The following TENM2 variants were observed in gnomAD, a reference collection of about 807,000 sequenced individuals.
TENM2 encodes the protein teneurin-2.
Under a neutral mutation model 245.2 loss-of-function variants are expected in TENM2, and 52 were observed. The observed-to-expected ratio is 0.21, with a 90% CI of 0.17 to 0.27. TENM2 has a LOEUF of 0.27. Ranked by LOEUF, TENM2 falls within the 10% of genes least tolerant of loss-of-function variation. The probability of loss-of-function intolerance (pLI) is 1.00; values close to 1 mark genes in which losing one functional copy is unlikely to be tolerated. For missense variants in TENM2, 3,046 were observed against 3,666.8 expected, an observed-to-expected ratio of 0.83 and a Z score of 4.37; for synonymous variants, 1,363 against 1,438.9, an observed-to-expected ratio of 0.95 and a Z score of 1.19.
rs543199559 is a variant in TENM2, at chr5:167,932,049, G to A, written c.713-20539G>A. Among the ~76,000 whole-genome samples, 30 of 152,322 alleles carry A rather than the reference G, an allele frequency of 2.0e-4. 1 individual carries two copies. Among genetic ancestry groups the A allele is most frequent in the African/African-American group, 6.5e-4 (27 of 41,582 alleles). ...AAAAGATATGTTTGCTGATTTCACC[G>A]AGGTCCGTATTGAGCTGCCTAGGTG... On this transcript the variant is annotated intron_variant, in intron 3 of 28. Transcript: ENST00000518659.
At chr5:167,434,298 G>A (rs1000128052) in intron 2 of TENM2, among the ~76,000 whole-genome samples, 2 of 150,432 alleles carry the variant, frequency 1.3e-5, no homozygotes, top group Admixed American at 6.7e-5. Flanking sequence ...GCAGGTGCCC[G>A]TACTACTCAG....
At chr5:167,148,738 G>A in the TENM2 span, among the ~76,000 whole-genome samples, 4 of 152,210 alleles carry the variant, frequency 2.6e-5, no homozygotes, top group South Asian at 8.3e-4. Context: ...AGGGAGGAAA[G>A]GGGAAAAAAG....
chr5:167,939,205 G>T (rs978469598), intron 3 of TENM2, among the ~76,000 whole-genome samples: 9 of 152,290 alleles, frequency 5.9e-5, no homozygotes, highest in Admixed American at 3.9e-4. Context: ...GGAAGAGGGG[G>T]ATGGTTTCGG....
chr5:167,266,956 A>G, the TENM2 span, among the ~76,000 whole-genome samples: 1 of 152,168 alleles, frequency 6.6e-6, no homozygotes. Flanking sequence ...CTATGTGTTC[A>G]TCCCTCAGTA....
At chr5:167,133,431 A>G in the TENM2 span, among the ~76,000 whole-genome samples, 1 of 152,184 alleles carries the variant, frequency 6.6e-6, no homozygotes, top group Non-Finnish European at 1.5e-5. Flanking sequence ...TCCATTAAAG[A>G]ATAGAATAGA....
chr5:167,306,748 C>G (rs966276377), intron 1 of TENM2: 2 of 152,234 alleles, frequency 1.3e-5, no homozygotes, highest in African/African-American at 4.8e-5. Context: ...CTGTCACCAT[C>G]ATTCGTTTTC....
chr5:167,323,700 T>C (rs770472219), intron 1 of TENM2, among the ~76,000 whole-genome samples: 3 of 152,178 alleles, frequency 2.0e-5, no homozygotes, highest in Non-Finnish European at 4.4e-5. Flanking sequence ...ATATTTAAAA[T>C]TTCATAAAAA....
upstream of TENM2, among the ~76,000 whole-genome samples, chr5:167,279,983 G>C (rs896696331): frequency 6.6e-6 from 1 of 152,078 alleles, no homozygotes; most frequent in Non-Finnish European, 1.5e-5. Context: ...CTGGACATTT[G>C]GGATATCATG....
intron 17 of TENM2, among the ~76,000 whole-genome samples, chr5:168,201,292 A>G (rs1039832059): frequency 5.9e-5 from 9 of 151,688 alleles, no homozygotes; most frequent in African/African-American, 1.2e-4. Context: ...GTGTGTGTGT[A>G]TATATATATA....
chr5:167,788,710 C>T (rs1038530889), intron 2 of TENM2, among the ~76,000 whole-genome samples: 2 of 152,150 alleles, frequency 1.3e-5, no homozygotes, highest in South Asian at 2.1e-4. Flanking sequence ...GTGTCTCTCA[C>T]GCTCACTATG....
intron 12 of TENM2, among the ~76,000 whole-genome samples, chr5:168,155,102 GC>G (rs988187957): frequency 3.3e-4 from 51 of 152,280 alleles, no homozygotes; most frequent in African/African-American, 1.1e-3. Context: ...TTCTTTGGCA[GC>G]CGGTCTTCCA....
chr5:167,746,479 A>G (rs1047405694), intron 2 of TENM2, among the ~76,000 whole-genome samples: 8 of 152,178 alleles, frequency 5.3e-5, no homozygotes, highest in Non-Finnish European at 1.2e-4. Context: ...ACAAACAGCC[A>G]TGGCCCCTTG....
chr5:168,138,093 T>C (rs1252601042), intron 12 of TENM2, among the ~76,000 whole-genome samples: 1 of 152,240 alleles, frequency 6.6e-6, no homozygotes, highest in Non-Finnish European at 1.5e-5. Context: ...TGCTTGACTA[T>C]GGCTGGTTTT....
intron 2 of TENM2, among the ~76,000 whole-genome samples, chr5:167,395,709 T>A (rs1762012286): frequency 6.6e-6 from 1 of 152,156 alleles, no homozygotes; most frequent in Admixed American, 6.6e-5. Context: ...GTGCAGTGAC[T>A]CTTGAATGAT....
chr5:167,672,780 A>G (rs1184719822), intron 2 of TENM2, among the ~76,000 whole-genome samples: 2 of 152,064 alleles, frequency 1.3e-5, no homozygotes, highest in Non-Finnish European at 2.9e-5. Context: ...CTTTTGACAA[A>G]AGATTGACCC....
At chr5:167,587,273 A>G (rs1318784998) in intron 2 of TENM2, among the ~76,000 whole-genome samples, 1 of 152,122 alleles carries the variant, frequency 6.6e-6, no homozygotes, top group Non-Finnish European at 1.5e-5. Context: ...TAGTTTGGGG[A>G]GTATTTCGAT....
At chr5:167,871,081 T>G (rs1478473582) in intron 2 of TENM2, among the ~76,000 whole-genome samples, 1 of 152,116 alleles carries the variant, frequency 6.6e-6, no homozygotes. Context: ...CTTGGGGAAT[T>G]AAGTCAGGAT....
At chr5:167,396,481 A>T (rs931682637) in intron 2 of TENM2, among the ~76,000 whole-genome samples, 11 of 152,156 alleles carry the variant, frequency 7.2e-5, no homozygotes, top group Non-Finnish European at 1.5e-4. Context: ...GAAGTTGTTG[A>T]TTAAATAGGG....
At chr5:167,960,994 C>T (rs895275926) in intron 4 of TENM2, among the ~76,000 whole-genome samples, 3 of 152,202 alleles carry the variant, frequency 2.0e-5, no homozygotes, top group South Asian at 2.1e-4. Flanking sequence ...AGGCGACGCC[C>T]CGCCCTGCTT....
Sources: allele counts gnomAD v4.1 joint callset (sites outside exome capture counted in the v4.1 genomes callset), GRCh38; gene constraint gnomAD v4.1.1; transcripts MANE v1.5; gene names NCBI Gene and HGNC (gene_info 2026-07-23, HGNC 2026-07-21).